The following TBC1D1 variants were observed in gnomAD, a reference collection of about 807,000 sequenced individuals.
TBC1D1 encodes the protein TBC1 (tre-2/USP6, BUB2, cdc16) domain family, member 1.
TBC1D1 carries 89 observed loss-of-function variants against 125.6 expected under a neutral mutation model. That is an observed-to-expected ratio of 0.71 (90% CI 0.60 to 0.85). The LOEUF (loss-of-function observed/expected upper bound fraction) is 0.85. Among genes scored for constraint, TBC1D1 ranks in the 40% least tolerant of loss-of-function variants. TBC1D1 has a pLI of 0.00. For missense variants in TBC1D1, 1,377 were observed against 1,469.2 expected, an observed-to-expected ratio of 0.94 and a Z score of 1.03; for synonymous variants, 565 against 564.1, an observed-to-expected ratio of 1.00 and a Z score of -0.02.
rs1351169759 is a variant in TBC1D1 at position 37,902,365 on chromosome 4, T to G, written c.270T>G (p.Tyr90Ter). Residue 90 changes from tyrosine (Y) to a stop codon, truncating the protein, a stop_gained, in exon 2 of 20, where the codon TAT (tyrosine) becomes TAG (stop). Coordinates refer to ENST00000261439, the MANE Select transcript of TBC1D1 (RefSeq NM_015173.4). LOFTEE classifies it high-confidence loss of function. ...GTCAACAGTGGGATCCCCTGATCTATTCCAGCATCTTTGAGTGCAAGCCTC... is the reference window on the plus strand; with the variant it reads ...GTCAACAGTGGGATCCCCTGATCTAGTCCAGCATCTTTGAGTGCAAGCCTC... The G allele has an allele frequency of 6.2e-7, 1 of 1,614,238 alleles. No individual in the cohort carries two copies. The highest frequency in any genetic ancestry group is 8.5e-7 in the Non-Finnish European group (1 of 1,180,044).
chr4:38,053,130 GA>G, intron 11 of TBC1D1: 2 of 1,527,034 alleles, frequency 1.3e-6, no homozygotes, highest in Non-Finnish European at 1.8e-6. Flanking sequence ...ATGCCCTGCG[GA>G]AAAAACTTCA....
chr4:37,970,318 C>T (rs1731785302), intron 2 of TBC1D1, among the ~76,000 whole-genome samples: 1 of 152,180 alleles, frequency 6.6e-6, no homozygotes, highest in Non-Finnish European at 1.5e-5. Flanking sequence ...TCTTTGGAAA[C>T]AAATTTTTCT....
intron 2 of TBC1D1, among the ~76,000 whole-genome samples, chr4:37,911,445 A>C (rs888049803): frequency 3.3e-5 from 5 of 151,958 alleles, no homozygotes; most frequent in African/African-American, 1.2e-4. Flanking sequence ...AAGACACTGG[A>C]TTGGGGTTGA....
intron 18 of TBC1D1, among the ~76,000 whole-genome samples, chr4:38,127,307 T>C (rs1280700396): frequency 3.3e-5 from 5 of 151,992 alleles, no homozygotes; most frequent in African/African-American, 4.8e-5. Context: ...GGGAAGAAAA[T>C]AGCTGTGCGT....
intron 15 of TBC1D1, among the ~76,000 whole-genome samples, chr4:38,106,874 G>A (rs1300552882): frequency 6.6e-6 from 1 of 152,184 alleles, no homozygotes; most frequent in East Asian, 1.9e-4. Context: ...GGCTCAGGCA[G>A]CCTTCCTTGA....
At chr4:38,052,991 GTTTTC>G (rs1413794121) in intron 11 of TBC1D1, 110 bp from the exon 13 acceptor site, 9 of 718,832 alleles carry the variant, frequency 1.3e-5, no homozygotes, top group Middle Eastern at 3.9e-4. Flanking sequence ...TTCTTACCTA[GTTTTC>G]TTTTCTTAGC....
At chr4:38,085,342 A>C (rs1757309373) in intron 12 of TBC1D1, among the ~76,000 whole-genome samples, 1 of 152,226 alleles carries the variant, frequency 6.6e-6, no homozygotes, top group South Asian at 2.1e-4. Context: ...AGTGCTCCAC[A>C]TCCGTCATTA....
intron 15 of TBC1D1, among the ~76,000 whole-genome samples, chr4:38,114,662 G>A (rs1762676293): frequency 6.6e-6 from 1 of 152,188 alleles, no homozygotes. Flanking sequence ...TTCCAGAGGA[G>A]GAGGAAGAGG....
At chr4:38,111,150 A>G (rs1415845060) in intron 15 of TBC1D1, among the ~76,000 whole-genome samples, 4 of 152,256 alleles carry the variant, frequency 2.6e-5, no homozygotes, top group African/African-American at 9.6e-5. Flanking sequence ...CTGGAGGGCT[A>G]CAGTGCTCAA....
At chr4:38,083,705 A>G (rs1002389969) in intron 12 of TBC1D1, among the ~76,000 whole-genome samples, 4 of 152,226 alleles carry the variant, frequency 2.6e-5, no homozygotes, top group Non-Finnish European at 5.9e-5. Context: ...AGATCATGGT[A>G]GAGCCAGGTT....
chr4:38,102,977 A>G (rs375551125), intron 14 of TBC1D1, 22 bp from the exon 17 acceptor site: 24 of 1,604,480 alleles, frequency 1.5e-5, no homozygotes, highest in Middle Eastern at 1.7e-4. Context: ...AATTATTTCC[A>G]TGTCTTCTCT....
At chr4:37,935,127 A>G (rs1724117999) in intron 2 of TBC1D1, among the ~76,000 whole-genome samples, 1 of 152,196 alleles carries the variant, frequency 6.6e-6, no homozygotes, top group Non-Finnish European at 1.5e-5. Context: ...ACAGGGTGGC[A>G]AAAATCTAAT....
intron 2 of TBC1D1, among the ~76,000 whole-genome samples, chr4:37,921,066 C>G (rs368921473): frequency 3.5e-5 from 5 of 141,420 alleles, no homozygotes; most frequent in African/African-American, 1.3e-4. Flanking sequence ...GCCGAGATCG[C>G]GCCACTGCAC....
intron 1 of TBC1D1, among the ~76,000 whole-genome samples, chr4:37,891,654 TC>T (rs1713332605): frequency 9.3e-5 from 2 of 21,482 alleles, no homozygotes; most frequent in African/African-American, 3.9e-4. Context: ...ATCTCTCCCC[TC>T]CCCCCTCCCG....
chr4:38,077,408 A>C (rs1755777161), intron 12 of TBC1D1, among the ~76,000 whole-genome samples: 1 of 152,158 alleles, frequency 6.6e-6, no homozygotes, highest in South Asian at 2.1e-4. Context: ...AAATTCCTAA[A>C]GGGTTTTTGT....
At position 37,995,830 on chromosome 4, in the gene TBC1D1, G is replaced by A. The variant is rs373599944; in HGVS notation, c.418-18679G>A. On this transcript the variant is annotated intron_variant, in intron 2 of 19. Coordinates refer to ENST00000261439, the MANE Select transcript of TBC1D1 (RefSeq NM_015173.4). The surrounding 1 kb of genome is among the most constrained non-coding windows in gnomAD (Gnocchi z 4.3). Reference sequence around the variant, plus strand: ...TTTGCATCCTCAGTCTTGGGGATCAGGTGCTGGATCCATGTGATCACCAGA... The same window carrying A: ...TTTGCATCCTCAGTCTTGGGGATCAAGTGCTGGATCCATGTGATCACCAGA... 51 of 562,914 alleles carry A rather than the reference G, an allele frequency of 9.1e-5. No individual in the cohort carries two copies. The East Asian group carries it at 2.4e-3, about 27-fold the overall frequency. The allele number at this position is 562,914 out of a possible 1,614,324, so 34.9% of individuals were successfully genotyped here. A position where few individuals can be genotyped will look rare whatever the true frequency, so the allele number is the denominator to read the frequency against.
intron 2 of TBC1D1, among the ~76,000 whole-genome samples, chr4:37,994,855 T>C (rs149070406): frequency 2.0e-5 from 3 of 152,298 alleles, no homozygotes; most frequent in African/African-American, 4.8e-5. Context: ...ATTTTGGGCT[T>C]ACAGTCAATT....
chr4:38,123,495 G>GACATAC (rs1764175850), intron 17 of TBC1D1, among the ~76,000 whole-genome samples: 1 of 152,118 alleles, frequency 6.6e-6, no homozygotes, highest in Non-Finnish European at 1.5e-5. Flanking sequence ...TTCTTCAATT[G>GACATAC]GCCTGCCTTG....
chr4:37,927,783 G>A (rs1722421146), intron 2 of TBC1D1, among the ~76,000 whole-genome samples: 1 of 152,202 alleles, frequency 6.6e-6, no homozygotes, highest in South Asian at 2.1e-4. Context: ...TGTAGTCCCA[G>A]CTACTCAGGA....
Sources: gnomAD v4.1 joint callset for allele counts (sites outside exome capture counted in the v4.1 genomes callset) on GRCh38, gnomAD v4.1.1 for gene constraint, Gnocchi (gnomAD v3.1) non-coding constraint, MANE v1.5 for transcripts, NCBI Gene and HGNC (gene_info 2026-07-23, HGNC 2026-07-21) for gene names.